The following B3GAT2 variants were observed in gnomAD, a reference collection of about 807,000 sequenced individuals.
B3GAT2 encodes galactosylgalactosylxylosylprotein 3-beta-glucuronosyltransferase 2.
A neutral mutation model predicts 27.8 loss-of-function variants in B3GAT2; 26 were observed. That is an observed-to-expected ratio of 0.93 (90% confidence interval 0.68 to 1.30). The LOEUF (loss-of-function observed/expected upper bound fraction) is 1.30. Among genes scored for constraint, B3GAT2 ranks in the 50% most tolerant of loss-of-function variants. B3GAT2 has a pLI of 0.00. For missense variants in B3GAT2, 458 were observed against 459.0 expected (o/e 1.00, Z 0.02); for synonymous variants, 218 against 195.1 (o/e 1.12, Z -0.98).
intron 1 of B3GAT2, among the ~76,000 whole-genome samples, chr6:70,902,812 C>T (rs571861420): frequency 6.6e-6 from 1 of 152,012 alleles, no homozygotes; most frequent in Non-Finnish European, 1.5e-5. Context: ...TACCAATGGT[C>T]TCACTGATAA....
chr6:70,910,420 C>T lies in B3GAT2; in HGVS notation c.592-16148G>A, dbSNP rs145433503. On this transcript the variant is annotated intron_variant, in intron 1 of 3. Coordinates refer to ENST00000230053, the MANE Select transcript of B3GAT2 (RefSeq NM_080742.3). ...GCTTCCACTTATAAGTTAGAACATG[C>T]AGCATTTGGTTTTCTGTTCCTACAT... 4.1e-3 allele frequency among the ~76,000 whole-genome samples: 617 copies of T among 152,292 alleles called. 4 individuals are homozygous for T. The highest frequency in any genetic ancestry group is 5.1e-3 in the Non-Finnish European group (346 of 68,028).
chr6:70,880,489 T>C (rs538342093), intron 2 of B3GAT2, among the ~76,000 whole-genome samples: 1 of 152,076 alleles, frequency 6.6e-6, no homozygotes, highest in Non-Finnish European at 1.5e-5. Flanking sequence ...TTATAGGAAC[T>C]TGTATCCTGT....
At chr6:70,886,175 T>C (rs1772182210) in intron 2 of B3GAT2, among the ~76,000 whole-genome samples, 1 of 152,190 alleles carries the variant, frequency 6.6e-6, no homozygotes, top group African/African-American at 2.4e-5. Context: ...ACTCAGTGAC[T>C]TGGCTGTAGG....
intron 1 of B3GAT2, among the ~76,000 whole-genome samples, chr6:70,924,060 T>G (rs2150043000): frequency 6.6e-6 from 1 of 152,248 alleles, no homozygotes; most frequent in Non-Finnish European, 1.5e-5. Context: ...ATGGATACCA[T>G]AAAAGTCCTG....
chr6:70,950,244 A>T (rs1347567298), intron 1 of B3GAT2, among the ~76,000 whole-genome samples: 1 of 151,780 alleles, frequency 6.6e-6, no homozygotes, highest in Non-Finnish European at 1.5e-5. Flanking sequence ...ATCCAGGAAG[A>T]TCAACCCACA....
chr6:70,923,430 A>G (rs1772903882), intron 1 of B3GAT2, among the ~76,000 whole-genome samples: 1 of 152,138 alleles, frequency 6.6e-6, no homozygotes, highest in Admixed American at 6.6e-5. Flanking sequence ...TAATCCCTGC[A>G]CTTTGGGAGG....
Position 70,860,097 on chromosome 6 carries a change from C to A in B3GAT2, c.*1566G>T. ...CTCTGTTTTTATTCCAGTGCTTGGA[C>A]TAGTTGTCACATTAATGAAAAAATG... On this transcript the variant is annotated 3_prime_UTR_variant, in exon 4 of 4. Transcript: ENST00000230053. 1 of 1,304,494 alleles carries A rather than the reference C, an allele frequency of 7.7e-7. No individual in the cohort carries two copies. The highest frequency in any genetic ancestry group is 1.0e-6 in the Non-Finnish European group (1 of 960,470). The allele number at this position is 1,304,494 out of a possible 1,614,324, so 80.8% of individuals were successfully genotyped here.
chr6:70,896,286 C>G (rs1308847195), intron 1 of B3GAT2, among the ~76,000 whole-genome samples: 1 of 152,126 alleles, frequency 6.6e-6, no homozygotes, highest in Non-Finnish European at 1.5e-5. Context: ...ACCTGTGTAT[C>G]CTTCTACGTC....
intron 2 of B3GAT2, among the ~76,000 whole-genome samples, chr6:70,890,784 G>A (rs1030158887): frequency 6.6e-6 from 1 of 152,208 alleles, no homozygotes; most frequent in African/African-American, 2.4e-5. Context: ...AGTACACCTA[G>A]TTGTGTTTTT....
chr6:70,944,734 G>A (rs539838548), intron 1 of B3GAT2, among the ~76,000 whole-genome samples: 8 of 152,226 alleles, frequency 5.3e-5, no homozygotes, highest in African/African-American at 1.9e-4. Flanking sequence ...CTCCCAGCAC[G>A]CAGCTGGAGA....
At chr6:70,941,666 T>C (rs1001032963) in intron 1 of B3GAT2, among the ~76,000 whole-genome samples, 1 of 152,200 alleles carries the variant, frequency 6.6e-6, no homozygotes, top group Admixed American at 6.5e-5. Context: ...AAGGGCTCAA[T>C]ACAATCTTAG....
At chr6:70,880,394 A>C (rs955035509) in intron 2 of B3GAT2, among the ~76,000 whole-genome samples, 1 of 152,206 alleles carries the variant, frequency 6.6e-6, no homozygotes, top group Non-Finnish European at 1.5e-5. Flanking sequence ...AGAGAGGCTA[A>C]GTAACTTGCT....
intron 2 of B3GAT2, among the ~76,000 whole-genome samples, chr6:70,891,674 AC>A (rs1353266674): frequency 6.6e-6 from 1 of 152,088 alleles, no homozygotes; most frequent in African/African-American, 2.4e-5. Context: ...TGCAAGACAG[AC>A]CCAGGCTCCA....
intron 1 of B3GAT2, among the ~76,000 whole-genome samples, chr6:70,894,824 C>T (rs1237131643): frequency 6.6e-6 from 1 of 152,188 alleles, no homozygotes; most frequent in East Asian, 1.9e-4. Context: ...ATACCCTAAA[C>T]ATTTGCCTGC....
At chr6:70,903,742 C>T (rs990929168) in intron 1 of B3GAT2, among the ~76,000 whole-genome samples, 13 of 151,122 alleles carry the variant, frequency 8.6e-5, no homozygotes, top group Non-Finnish European at 2.9e-5. Flanking sequence ...ATTGGCAATA[C>T]CAAGAGCTGA....
At chr6:70,890,269 T>A (rs567175199) in intron 2 of B3GAT2, among the ~76,000 whole-genome samples, 87 of 152,132 alleles carry the variant, frequency 5.7e-4, no homozygotes, top group African/African-American at 1.8e-3. Flanking sequence ...GCTCCCCCCC[T>A]GCAGTCACTT....
At chr6:70,887,768 G>GA (rs1772213023) in intron 2 of B3GAT2, among the ~76,000 whole-genome samples, 1 of 152,202 alleles carries the variant, frequency 6.6e-6, no homozygotes, top group Non-Finnish European at 1.5e-5. Flanking sequence ...CAAGAAGGCA[G>GA]CCTTTAAGCT....
At chr6:70,934,358 AC>A (rs1773107112) in intron 1 of B3GAT2, among the ~76,000 whole-genome samples, 1 of 77,674 alleles carries the variant, frequency 1.3e-5, no homozygotes, top group Admixed American at 1.4e-4. Flanking sequence ...TCTGCCCCCC[AC>A]CCCCGCCCCA....
At chr6:70,916,184 T>C (rs1582378072) in intron 1 of B3GAT2, among the ~76,000 whole-genome samples, 1 of 152,278 alleles carries the variant, frequency 6.6e-6, no homozygotes, top group Middle Eastern at 3.4e-3. Context: ...AGTTCACTCA[T>C]GATTTGGCTC....
Sources: gnomAD v4.1 joint callset for allele counts (sites outside exome capture counted in the v4.1 genomes callset) on GRCh38, gnomAD v4.1.1 for gene constraint, MANE v1.5 for transcripts, NCBI Gene and HGNC (gene_info 2026-07-23, HGNC 2026-07-21) for gene names.